Variants in SCML2 observed in about 807,000 individuals in gnomAD.
The protein encoded by SCML2 is sex comb on midleg-like protein 2.
SCML2 carries 6 observed loss-of-function variants against 48.4 expected under a neutral mutation model. The observed-to-expected ratio is 0.12, with a 90% CI of 0.07 to 0.24. The LOEUF is 0.24. SCML2 is among the 10% of genes least tolerant of loss of function. The pLI is 1.00. For missense variants in SCML2, 377 were observed against 528.2 expected (o/e 0.71, Z 2.81); for synonymous variants, 181 against 189.5 (o/e 0.95, Z 0.37).
At chrX:18,291,071 G>A (rs915968083) in intron 7 of SCML2, among the ~76,000 whole-genome samples, 6 of 111,731 alleles carry the variant, frequency 5.4e-5, no homozygotes, top group Admixed American at 9.5e-5. Flanking sequence ...AACGGAAAAC[G>A]GCAAGATCAA....
intron 6 of SCML2, among the ~76,000 whole-genome samples, chrX:18,319,224 C>T (rs1464309129): frequency 9.0e-6 from 1 of 111,245 alleles, no homozygotes; most frequent in Non-Finnish European, 1.9e-5. Context: ...GACCCCGTCT[C>T]TACTAAAAAC....
chrX:18,346,078 C>T (rs1037504352), intron 1 of SCML2, among the ~76,000 whole-genome samples: 11 of 111,119 alleles, frequency 9.9e-5, no homozygotes, highest in African/African-American at 3.6e-4. Context: ...CGAGATTTTT[C>T]TTTTGGCCAT....
chrX:18,284,182 A>G (rs1402020920), intron 7 of SCML2, among the ~76,000 whole-genome samples: 1 of 112,388 alleles, frequency 8.9e-6, no homozygotes, highest in African/African-American at 3.2e-5. Flanking sequence ...CCCTAATTCA[A>G]TAAATGGTGC....
At chrX:18,275,256 A>G (rs371699444) in intron 7 of SCML2, among the ~76,000 whole-genome samples, 4 of 112,516 alleles carry the variant, frequency 3.6e-5, no homozygotes, top group African/African-American at 1.3e-4. Context: ...CAAACATTTT[A>G]CAGAATTTGA....
At chrX:18,271,716 C>G (rs897880561) in intron 7 of SCML2, among the ~76,000 whole-genome samples, 8 of 108,287 alleles carry the variant, frequency 7.4e-5, no homozygotes. Context: ...TCCATATATA[C>G]TATGTACGAA....
In SCML2 at chrX:18,334,073, G is replaced by A. The variant is rs150120211; in HGVS notation, c.-2C>T. 7 of 1,191,286 alleles carry A rather than the reference G, an allele frequency of 5.9e-6. No individual in the cohort carries two copies. The highest frequency in any genetic ancestry group is 2.3e-5 in the Admixed American group (1 of 43,937). Reference sequence around the variant, plus strand: ...ACCTTCATTCACTGTTTGTCCCATGGTATCCCTATTTGGTGTTGTTTCCTA... The same window carrying A: ...ACCTTCATTCACTGTTTGTCCCATGATATCCCTATTTGGTGTTGTTTCCTA... On this transcript the variant is annotated 5_prime_UTR_variant, in exon 2 of 15. Transcript: ENST00000251900.
intron 1 of SCML2, among the ~76,000 whole-genome samples, chrX:18,346,254 T>C (rs1428828411): frequency 9.0e-6 from 1 of 110,888 alleles, no homozygotes. Flanking sequence ...TTTTTTACTC[T>C]GAATTTTATC....
chrX:18,291,045 G>T (rs1035502511), intron 7 of SCML2, among the ~76,000 whole-genome samples: 1 of 111,748 alleles, frequency 8.9e-6, no homozygotes, highest in African/African-American at 3.2e-5. Context: ...TACAGAAGAG[G>T]GGGGAGCACG....
At chrX:18,262,473 T>C (rs1392259880) in intron 8 of SCML2, among the ~76,000 whole-genome samples, 1 of 103,610 alleles carries the variant, frequency 9.7e-6, no homozygotes, top group Non-Finnish European at 1.9e-5. Flanking sequence ...CCTGAGTAGC[T>C]GGGATTACAG....
At chrX:18,325,098 A>C in intron 3 of SCML2, 121 bp from the exon 4 acceptor site, 1 of 408,132 alleles carries the variant, frequency 2.5e-6, no homozygotes, top group South Asian at 6.5e-5. Flanking sequence ...AAAAAAAAAA[A>C]AACTTCCAAA....
intron 6 of SCML2, among the ~76,000 whole-genome samples, chrX:18,305,567 T>C (rs1272071530): frequency 9.0e-6 from 1 of 111,664 alleles, no homozygotes; most frequent in Non-Finnish European, 1.9e-5. Flanking sequence ...ATTCTAATGC[T>C]GGTGATAGTA....
chrX:18,303,948 T>C (rs1252593418), intron 7 of SCML2, among the ~76,000 whole-genome samples: 1 of 112,689 alleles, frequency 8.9e-6, no homozygotes, highest in Non-Finnish European at 1.9e-5. Context: ...ACTTATTTTC[T>C]ACATCTATCT....
chrX:18,262,373 C>T (rs747749540), intron 8 of SCML2, among the ~76,000 whole-genome samples: 258 of 88,585 alleles, frequency 2.9e-3, no homozygotes, highest in Non-Finnish European at 4.6e-3. Flanking sequence ...TGGAGTCTCA[C>T]TCTGTTGCCC....
chrX:18,317,917 T>C (rs936955518), intron 6 of SCML2, among the ~76,000 whole-genome samples: 2 of 109,996 alleles, frequency 1.8e-5, no homozygotes, highest in African/African-American at 6.6e-5. Context: ...GAAGGAATGG[T>C]TGGGACAAAG....
At chrX:18,274,080 G>A (rs2051936789) in intron 7 of SCML2, among the ~76,000 whole-genome samples, 1 of 112,043 alleles carries the variant, frequency 8.9e-6, no homozygotes. Context: ...ACAAGTGCGA[G>A]TGCAAAAGGC....
intron 7 of SCML2, among the ~76,000 whole-genome samples, chrX:18,282,566 A>C (rs1927902900): frequency 9.0e-6 from 1 of 111,513 alleles, no homozygotes; most frequent in African/African-American, 3.3e-5. Context: ...TGAGCCCAGG[A>C]AGTTGAGGTG....
chrX:18,296,096 A>C (rs983028819), intron 7 of SCML2, among the ~76,000 whole-genome samples: 2 of 111,799 alleles, frequency 1.8e-5, no homozygotes, highest in African/African-American at 6.5e-5. Context: ...GGAACACGAT[A>C]ATTTTCCAGC....
rs760712722 is a variant in SCML2, at chrX:18,258,168, G to A, written c.1149C>T (p.Phe383=). 23 of 1,209,541 alleles carry A rather than the reference G, an allele frequency of 1.9e-5. 1 individual carries two copies. The highest frequency in any genetic ancestry group is 1.2e-4 in the South Asian group (7 of 56,804). ...PKRIQQLPDH[F]GPGPVNVVLR... is the part of the protein sequence containing the mutation. ...GCACCACATTCACCGGGCCCGGGCC[G>A]AAGTGGTCAGGCAGCTGCTGGATTC... Residue 383 remains phenylalanine, a synonymous_variant, in exon 10 of 15, where the codon TTC becomes TTT. Transcript: ENST00000251900.
At position 18,240,868 on chromosome X, in the gene SCML2, G is replaced by A. The variant is rs771158742; in HGVS notation, c.*383C>T. The A allele has an allele frequency of 8.8e-6, 1 of 113,100 alleles. No individual in the cohort carries two copies. The highest frequency in any genetic ancestry group is 1.9e-5 in the Non-Finnish European group (1 of 53,655). The allele number at this position is 113,100 out of a possible 1,213,427, so 9.3% of individuals were successfully genotyped here. On this transcript the variant is annotated 3_prime_UTR_variant, in exon 15 of 15. Coordinates refer to ENST00000251900, the MANE Select transcript of SCML2 (RefSeq NM_006089.3). ...CAATCCCTGATATTTTCCCCTTTGG[G>A]ATTTAGCTGTTTTGGTTCTAGATAT... is the stretch of plus-strand genomic sequence containing the variant.
Sources: allele counts gnomAD v4.1 joint callset (sites outside exome capture counted in the v4.1 genomes callset), GRCh38; gene constraint gnomAD v4.1.1; transcripts MANE v1.5; gene names NCBI Gene and HGNC (gene_info 2026-07-23, HGNC 2026-07-21).